Variants in CHST9 observed in about 807,000 individuals in gnomAD.
CHST9 encodes the protein GalNAc-4-sulfotransferase 2.
In CHST9, 41 loss-of-function variants were observed where a neutral mutation model predicts 44.4. That is an observed-to-expected ratio of 0.92 (90% confidence interval 0.72 to 1.20). The LOEUF is 1.20. CHST9 is among the 50% of genes most tolerant of loss of function. The pLI is 0.00. For synonymous variants in CHST9, 171 were observed against 178.4 expected, an observed-to-expected ratio of 0.96 and a Z score of 0.33; for missense variants, 504 against 516.5, an observed-to-expected ratio of 0.98 and a Z score of 0.23.
chr18:27,155,005 C>A (rs2143908739), intron 1 of CHST9, among the ~76,000 whole-genome samples: 1 of 151,146 alleles, frequency 6.6e-6, no homozygotes, highest in Non-Finnish European at 1.5e-5. Context: ...TCCCTTGAGC[C>A]TGGGAGGTGG....
At chr18:27,159,191 T>C (rs2058724626) in intron 1 of CHST9, among the ~76,000 whole-genome samples, 1 of 152,246 alleles carries the variant, frequency 6.6e-6, no homozygotes, top group Non-Finnish European at 1.5e-5. Flanking sequence ...CCCATGCCTA[T>C]GTCCTGAATG....
intron 4 of CHST9, among the ~76,000 whole-genome samples, chr18:26,984,762 T>C (rs1329584249): frequency 6.7e-6 from 1 of 148,814 alleles, no homozygotes; most frequent in Non-Finnish European, 1.5e-5. Flanking sequence ...GAAAAGCTAC[T>C]CAATCCTTCA....
intron 2 of CHST9, among the ~76,000 whole-genome samples, chr18:27,125,699 A>G (rs1440257462): frequency 6.6e-6 from 1 of 152,182 alleles, no homozygotes; most frequent in Non-Finnish European, 1.5e-5. Flanking sequence ...TACAGGATAT[A>G]TTTTGTTCTT....
At chr18:27,031,670 A>T (rs1477843713) in intron 3 of CHST9, among the ~76,000 whole-genome samples, 1 of 152,224 alleles carries the variant, frequency 6.6e-6, no homozygotes, top group Non-Finnish European at 1.5e-5. Context: ...GTATAACTGC[A>T]TTAAATACAA....
At chr18:27,170,146 C>T (rs1419865273) in intron 1 of CHST9, among the ~76,000 whole-genome samples, 1 of 152,156 alleles carries the variant, frequency 6.6e-6, no homozygotes, top group Non-Finnish European at 1.5e-5. Context: ...GCTAAATTCC[C>T]TTTTATTTTC....
intron 2 of CHST9, among the ~76,000 whole-genome samples, chr18:27,091,103 G>T (rs2058064033): frequency 6.6e-6 from 1 of 152,098 alleles, no homozygotes; most frequent in African/African-American, 2.4e-5. Context: ...CCATTTGTTT[G>T]TGTCCTCTTT....
At chr18:27,055,408 G>C (rs1413624010) in intron 2 of CHST9, among the ~76,000 whole-genome samples, 1 of 152,142 alleles carries the variant, frequency 6.6e-6, no homozygotes, top group Non-Finnish European at 1.5e-5. Context: ...GTGGAAGGTG[G>C]TAGGGTTTTG....
intron 2 of CHST9, among the ~76,000 whole-genome samples, chr18:27,132,970 C>T (rs62082916): frequency 3.5e-4 from 54 of 152,332 alleles, no homozygotes; most frequent in African/African-American, 4.6e-4. Flanking sequence ...CTGACCTTTG[C>T]ATCAGACAGT....
chr18:27,121,045 A>T (rs1324567022), intron 2 of CHST9, among the ~76,000 whole-genome samples: 1 of 152,150 alleles, frequency 6.6e-6, no homozygotes, highest in Non-Finnish European at 1.5e-5. Context: ...TCTGTCACCC[A>T]GGCTGAAGTG....
chr18:27,096,948 C>T (rs762127426), intron 2 of CHST9, among the ~76,000 whole-genome samples: 2 of 152,006 alleles, frequency 1.3e-5, no homozygotes, highest in Admixed American at 6.6e-5. Context: ...CCCTCTGATA[C>T]TGAAACCTGG....
chr18:27,154,094 A>AT (rs1177474997), intron 1 of CHST9, among the ~76,000 whole-genome samples: 1 of 152,124 alleles, frequency 6.6e-6, no homozygotes, highest in African/African-American at 2.4e-5. Context: ...AAGCCAATAC[A>AT]TTTTTATTTC....
chr18:27,059,926 G>T (rs993434766), intron 2 of CHST9, among the ~76,000 whole-genome samples: 3 of 152,216 alleles, frequency 2.0e-5, no homozygotes, highest in African/African-American at 7.2e-5. Flanking sequence ...AGTATGTTTA[G>T]ATCAGTGGAT....
intron 5 of CHST9, among the ~76,000 whole-genome samples, chr18:26,926,680 A>C (rs968481868): frequency 4.6e-5 from 7 of 152,348 alleles, no homozygotes; most frequent in Non-Finnish European, 1.0e-4. Flanking sequence ...CCAGTTCTCT[A>C]ATTCTAACCC....
intron 5 of CHST9, among the ~76,000 whole-genome samples, chr18:26,928,603 G>A (rs1245819069): frequency 6.6e-6 from 1 of 152,114 alleles, no homozygotes. Context: ...CAGGAGAGTA[G>A]GGAACTGAGA....
At chr18:26,988,954 G>A (rs1478030282) in intron 4 of CHST9, among the ~76,000 whole-genome samples, 2 of 152,058 alleles carry the variant, frequency 1.3e-5, no homozygotes, top group Non-Finnish European at 2.9e-5. Context: ...GAATGAAAAT[G>A]AAAGCATGAC....
At chr18:27,136,488 A>G (rs1317350665) in intron 2 of CHST9, among the ~76,000 whole-genome samples, 2 of 152,142 alleles carry the variant, frequency 1.3e-5, no homozygotes, top group Non-Finnish European at 2.9e-5. Context: ...CCATCTCTGC[A>G]CACTGCAGGG....
chr18:27,157,686 C>A (rs1207019489), intron 1 of CHST9, among the ~76,000 whole-genome samples: 1 of 151,982 alleles, frequency 6.6e-6, no homozygotes, highest in Non-Finnish European at 1.5e-5. Context: ...AAAGTAACTG[C>A]CTAAGGTAGT....
chr18:27,170,522 T>C (rs941295928), intron 1 of CHST9, among the ~76,000 whole-genome samples: 2 of 152,130 alleles, frequency 1.3e-5, no homozygotes, highest in African/African-American at 2.4e-5. Flanking sequence ...ACTGGAAAAA[T>C]TCTTTCCCTT....
intron 2 of CHST9, among the ~76,000 whole-genome samples, chr18:27,064,394 A>G (rs1435884292): frequency 1.3e-5 from 2 of 152,124 alleles, no homozygotes; most frequent in East Asian, 3.9e-4. Flanking sequence ...GATTAATACA[A>G]GCAGAGCACT....
Sources: gnomAD v4.1 joint callset for allele counts (sites outside exome capture counted in the v4.1 genomes callset) on GRCh38, gnomAD v4.1.1 for gene constraint, MANE v1.5 for transcripts, NCBI Gene and HGNC (gene_info 2026-07-23, HGNC 2026-07-21) for gene names.